PCDH9: variants seen among roughly 807,000 people sequenced by gnomAD.
The protein encoded by PCDH9 is protocadherin 9.
A neutral mutation model predicts 70.6 loss-of-function variants in PCDH9; 24 were observed. The observed-to-expected ratio is 0.34, with a 90% CI of 0.25 to 0.48. The LOEUF is 0.48. Ranked by LOEUF, PCDH9 falls within the 20% of genes least tolerant of loss-of-function variation. PCDH9 has a pLI of 0.99. For missense variants in PCDH9, 1,281 were observed against 1,503.6 expected, an observed-to-expected ratio of 0.85 and a Z score of 2.45; for synonymous variants, 562 against 558.5, an observed-to-expected ratio of 1.01 and a Z score of -0.09.
chr13:66,520,611 T>A (rs1208479002), intron 4 of PCDH9, among the ~76,000 whole-genome samples: 4 of 152,206 alleles, frequency 2.6e-5, no homozygotes, highest in Non-Finnish European at 1.5e-5. Context: ...TAGCTGATCC[T>A]TTCCAATGGT....
intron 4 of PCDH9, among the ~76,000 whole-genome samples, chr13:66,355,160 A>T (rs1297392593): frequency 6.6e-6 from 1 of 152,124 alleles, no homozygotes; most frequent in Non-Finnish European, 1.5e-5. Context: ...TAATGGCCTT[A>T]AGCCAAGTAG....
At chr13:67,168,280 A>T (rs1481882695) in intron 2 of PCDH9, among the ~76,000 whole-genome samples, 5 of 152,184 alleles carry the variant, frequency 3.3e-5, no homozygotes, top group African/African-American at 1.2e-4. Context: ...CCATATCACC[A>T]TCTTATATTG....
intron 4 of PCDH9, among the ~76,000 whole-genome samples, chr13:66,443,475 T>A (rs796908757): frequency 3.9e-5 from 6 of 152,322 alleles, no homozygotes; most frequent in African/African-American, 1.4e-4. Flanking sequence ...ATATTTATTA[T>A]ATTCCAATAA....
intron 4 of PCDH9, among the ~76,000 whole-genome samples, chr13:66,460,315 C>G (rs1391792347): frequency 6.6e-6 from 1 of 151,850 alleles, no homozygotes; most frequent in Admixed American, 6.6e-5. Flanking sequence ...GCTACCTTTT[C>G]TAATTTGAAG....
At position 67,144,399 on chromosome 13, in the gene PCDH9, G is replaced by A. The variant is rs145213238; in HGVS notation, c.3036+81006C>T. Among the ~76,000 whole-genome samples the A allele has an allele frequency of 5.2e-3, 785 of 152,202 alleles. 7 individuals carry two copies. The highest frequency in any genetic ancestry group is 0.018 in the African/African-American group (758 of 41,534). ...AGAGGCTTGCTGTACAAAATATCCT[G>A]TCGTTGGAACTGTTACTAAACAACA... On this transcript the variant is annotated intron_variant, in intron 2 of 4. Coordinates refer to ENST00000377865, the MANE Select transcript of PCDH9 (RefSeq NM_203487.3).
At position 66,442,610 on chromosome 13, in the gene PCDH9, A is replaced by G. The variant is rs895726706; in HGVS notation, c.3341-137582T>C. Among the ~76,000 whole-genome samples the G allele has an allele frequency of 2.6e-5, 4 of 152,066 alleles. No homozygotes were observed. In the South Asian group the frequency reaches 8.3e-4, roughly 31 times the overall value. Reference sequence around the variant, plus strand: ...TTTTAAGTATTCAAGTAACTGTTAGATCTCACAGTAAGAACTAATAGTTGT... The same window carrying G: ...TTTTAAGTATTCAAGTAACTGTTAGGTCTCACAGTAAGAACTAATAGTTGT... On this transcript the variant is annotated intron_variant, in intron 4 of 4. Transcript: ENST00000377865.
At chr13:66,321,670 T>C (rs912056910) in intron 4 of PCDH9, among the ~76,000 whole-genome samples, 1 of 152,052 alleles carries the variant, frequency 6.6e-6, no homozygotes, top group Admixed American at 6.6e-5. Context: ...GTCATGTTTG[T>C]AAACATACAG....
intron 4 of PCDH9, among the ~76,000 whole-genome samples, chr13:66,528,541 A>G (rs1251058613): frequency 6.6e-6 from 1 of 152,156 alleles, no homozygotes; most frequent in East Asian, 1.9e-4. Flanking sequence ...GCCTAGTCAA[A>G]AGGAAACAAT....
At chr13:66,344,274 C>G (rs550999240) in intron 4 of PCDH9, among the ~76,000 whole-genome samples, 1 of 151,938 alleles carries the variant, frequency 6.6e-6, no homozygotes, top group Non-Finnish European at 1.5e-5. Context: ...TCCCAAGTAG[C>G]TGGGACCACG....
chr13:66,704,293 C>T (rs114986773), intron 3 of PCDH9, among the ~76,000 whole-genome samples: 169 of 152,274 alleles, frequency 1.1e-3, no homozygotes, highest in African/African-American at 3.8e-3. Flanking sequence ...TTGTAACATG[C>T]TTTCACTTCA....
At chr13:67,207,407 T>G (rs2089377433) in intron 2 of PCDH9, 1 of 152,214 alleles carries the variant, frequency 6.6e-6, no homozygotes, top group African/African-American at 2.4e-5. Flanking sequence ...CAACTTCTCC[T>G]CAGCTGTAAA....
chr13:66,388,028 C>T (rs1175111318), intron 4 of PCDH9, among the ~76,000 whole-genome samples: 2 of 152,054 alleles, frequency 1.3e-5, no homozygotes, highest in Non-Finnish European at 2.9e-5. Flanking sequence ...CAGTCAAATC[C>T]CTTGGAATAC....
chr13:66,394,617 C>T (rs937591357), intron 4 of PCDH9, among the ~76,000 whole-genome samples: 6 of 152,102 alleles, frequency 3.9e-5, no homozygotes, highest in Non-Finnish European at 8.8e-5. Context: ...AAATTTCCAA[C>T]TTCCATCTCA....
chr13:66,347,526 C>G (rs145734799), intron 4 of PCDH9, among the ~76,000 whole-genome samples: 64 of 152,270 alleles, frequency 4.2e-4, no homozygotes, highest in African/African-American at 1.5e-3. Context: ...CAAAAAACAT[C>G]ACTTCAGAAA....
chr13:66,501,104 A>C (rs573149872), intron 4 of PCDH9, among the ~76,000 whole-genome samples: 2 of 152,134 alleles, frequency 1.3e-5, no homozygotes, highest in Non-Finnish European at 2.9e-5. Context: ...ATCAGCAGAA[A>C]TCTCAAAAGG....
intron 2 of PCDH9, among the ~76,000 whole-genome samples, chr13:66,992,314 T>C (rs781570769): frequency 6.6e-6 from 1 of 152,184 alleles, no homozygotes; most frequent in African/African-American, 2.4e-5. Flanking sequence ...GGAAAGGTAC[T>C]GCCACTCTGT....
At chr13:67,090,831 G>A (rs1018516495) in intron 2 of PCDH9, among the ~76,000 whole-genome samples, 3 of 152,020 alleles carry the variant, frequency 2.0e-5, no homozygotes, top group East Asian at 1.9e-4. Flanking sequence ...AGATATAGAT[G>A]CTATTTTGTA....
At chr13:66,320,968 C>A (rs576238585) in intron 4 of PCDH9, among the ~76,000 whole-genome samples, 1 of 152,044 alleles carries the variant, frequency 6.6e-6, no homozygotes, top group East Asian at 1.9e-4. Context: ...GTGTTTTTCG[C>A]TAAATCTAAA....
At chr13:66,851,796 G>T (rs2081319076) in intron 3 of PCDH9, among the ~76,000 whole-genome samples, 1 of 152,130 alleles carries the variant, frequency 6.6e-6, no homozygotes, top group Admixed American at 6.5e-5. Flanking sequence ...TTCTTGGTCT[G>T]CTAAGAAACT....
Sources: allele counts gnomAD v4.1 joint callset (sites outside exome capture counted in the v4.1 genomes callset), GRCh38; gene constraint gnomAD v4.1.1; transcripts MANE v1.5; gene names NCBI Gene and HGNC (gene_info 2026-07-23, HGNC 2026-07-21).